CAMTA1: variants seen among roughly 807,000 people sequenced by gnomAD.
CAMTA1 encodes calmodulin binding transcription activator 1.
In CAMTA1, 27 loss-of-function variants were observed where a neutral mutation model predicts 170.9. The observed-to-expected ratio is 0.16, with a 90% CI of 0.12 to 0.22. The LOEUF is 0.22. CAMTA1 is among the 10% of genes least tolerant of loss of function. The pLI, the probability that CAMTA1 is intolerant of heterozygous loss-of-function variation, is 1.00. For missense variants in CAMTA1, 1,619 were observed against 2,217.2 expected, an observed-to-expected ratio of 0.73 and a Z score of 5.42; for synonymous variants, 833 against 891.5, an observed-to-expected ratio of 0.93 and a Z score of 1.17.
chr1:7,669,227 C>T (rs539927588), intron 9 of CAMTA1, among the ~76,000 whole-genome samples: 1 of 152,392 alleles, frequency 6.6e-6, no homozygotes, highest in South Asian at 2.1e-4. Flanking sequence ...AGGCCAGAGC[C>T]AGGCTCATGC....
At chr1:6,817,720 A>G (rs528484620) in intron 1 of CAMTA1, among the ~76,000 whole-genome samples, 1 of 152,294 alleles carries the variant, frequency 6.6e-6, no homozygotes, top group East Asian at 1.9e-4. Context: ...TTTAGGCTCA[A>G]ATTCCTGGCT....
At chr1:7,613,761 G>A (rs1259073973) in intron 6 of CAMTA1, among the ~76,000 whole-genome samples, 5 of 147,870 alleles carry the variant, frequency 3.4e-5, no homozygotes, top group Admixed American at 3.3e-4. Flanking sequence ...AGTAGGGGGA[G>A]CAGGCGGGAC....
intron 5 of CAMTA1, among the ~76,000 whole-genome samples, chr1:7,356,179 C>T (rs946623204): frequency 6.6e-6 from 1 of 152,214 alleles, no homozygotes; most frequent in South Asian, 2.1e-4. Flanking sequence ...CTGGGGTGTT[C>T]TTACACACCT....
chr1:7,358,022 T>C (rs2085255686), intron 5 of CAMTA1, among the ~76,000 whole-genome samples: 1 of 152,224 alleles, frequency 6.6e-6, no homozygotes, highest in East Asian at 1.9e-4. Flanking sequence ...TGGAGGGATC[T>C]GGGGGCTCCT....
chr1:7,500,537 A>C (rs1290503048), intron 6 of CAMTA1, among the ~76,000 whole-genome samples: 1 of 151,908 alleles, frequency 6.6e-6, no homozygotes, highest in Non-Finnish European at 1.5e-5. Flanking sequence ...TACTGCGCCC[A>C]CTCTGTGCAC....
chr1:7,032,157 G>C (rs974459609), intron 3 of CAMTA1, among the ~76,000 whole-genome samples: 4 of 151,982 alleles, frequency 2.6e-5, no homozygotes, highest in African/African-American at 7.3e-5. Flanking sequence ...GTAGAGACAG[G>C]GTTTCACCAT....
chr1:7,282,421 G>A (rs1671652954), intron 5 of CAMTA1, among the ~76,000 whole-genome samples: 1 of 152,172 alleles, frequency 6.6e-6, no homozygotes, highest in South Asian at 2.1e-4. Flanking sequence ...AGATCTGGAA[G>A]AGCAGAATCA....
chr1:6,984,501 C>T (rs1695034645), intron 3 of CAMTA1, among the ~76,000 whole-genome samples: 1 of 152,000 alleles, frequency 6.6e-6, no homozygotes, highest in Non-Finnish European at 1.5e-5. Context: ...GAAATCCCAG[C>T]TAGTCAGGAG....
intron 5 of CAMTA1, among the ~76,000 whole-genome samples, chr1:7,398,202 T>TCC (rs2149183841): frequency 5.5e-5 from 2 of 36,532 alleles, no homozygotes; most frequent in East Asian, 2.1e-3. Flanking sequence ...TCTATATATA[T>TCC]ATATATATAT....
chr1:7,505,430 C>G (rs937608906), intron 6 of CAMTA1, among the ~76,000 whole-genome samples: 3 of 152,198 alleles, frequency 2.0e-5, no homozygotes, highest in African/African-American at 7.2e-5. Context: ...ACAGACAGAG[C>G]GTGCCACCCT....
At chr1:7,493,449 ACACG>A (rs1274780481) in intron 6 of CAMTA1, among the ~76,000 whole-genome samples, 12 of 150,878 alleles carry the variant, frequency 8.0e-5, no homozygotes, top group Non-Finnish European at 1.8e-4. Context: ...ACATACAAAC[ACACG>A]TGCAAACACA....
chr1:7,662,584 G>A (rs918771827), intron 8 of CAMTA1, among the ~76,000 whole-genome samples: 13 of 152,196 alleles, frequency 8.5e-5, no homozygotes, highest in Non-Finnish European at 1.5e-4. Context: ...GAGAAAAGCC[G>A]TCCTGGCTGC....
chr1:7,341,777 A>G (rs2083850817), intron 5 of CAMTA1, among the ~76,000 whole-genome samples: 1 of 152,212 alleles, frequency 6.6e-6, no homozygotes, highest in African/African-American at 2.4e-5. Flanking sequence ...TCTCCACAGA[A>G]CTCAAAATCG....
At chr1:6,909,242 C>T (rs973415885) in intron 3 of CAMTA1, among the ~76,000 whole-genome samples, 1 of 152,206 alleles carries the variant, frequency 6.6e-6, no homozygotes, top group Non-Finnish European at 1.5e-5. Context: ...GATGAAAGGA[C>T]ACACAAAGTC....
intron 15 of CAMTA1, 30 bp from the exon 16 acceptor site, chr1:7,737,929 C>T: frequency 6.4e-7 from 1 of 1,562,092 alleles, no homozygotes; most frequent in South Asian, 1.2e-5. Flanking sequence ...TATCTCCTGT[C>T]CTGACTATCC....
At chr1:7,755,260 G>C (rs1019239120) in intron 21 of CAMTA1, among the ~76,000 whole-genome samples, 2 of 148,590 alleles carry the variant, frequency 1.3e-5, no homozygotes, top group Non-Finnish European at 3.0e-5. Context: ...CTGGGAAGCG[G>C]AGGCTGCAGT....
intron 6 of CAMTA1, among the ~76,000 whole-genome samples, chr1:7,553,988 C>T (rs1252058850): frequency 6.6e-6 from 1 of 152,136 alleles, no homozygotes; most frequent in Non-Finnish European, 1.5e-5. Flanking sequence ...CAGTGGGCCA[C>T]AAAGTGATGG....
rs1699676008 is a variant in CAMTA1 at position 7,010,866 on chromosome 1, T to C, written c.235-80438T>C. 6.6e-6 allele frequency among the ~76,000 whole-genome samples: 1 copy of C among 152,204 alleles called. No individual in the cohort carries two copies. The highest frequency in any genetic ancestry group is 2.4e-5 in the African/African-American group (1 of 41,450). On this transcript the variant is annotated intron_variant, in intron 3 of 22. Coordinates refer to ENST00000303635, the MANE Select transcript of CAMTA1 (RefSeq NM_015215.4). The surrounding 1 kb of genome is among the most constrained non-coding windows in gnomAD (Gnocchi z 4.4). ...TGGAGCAAGCGATGGGAAATGCTCT[T>C]ATCAGGCACCTGGGACCTAAGCAGG...
At chr1:7,127,803 G>A (rs1645020995) in intron 4 of CAMTA1, among the ~76,000 whole-genome samples, 1 of 152,218 alleles carries the variant, frequency 6.6e-6, no homozygotes, top group African/African-American at 2.4e-5. Flanking sequence ...CGCTAACCTA[G>A]CAGGCCTGTT....
Sources: gnomAD v4.1 joint callset for allele counts (sites outside exome capture counted in the v4.1 genomes callset) on GRCh38, gnomAD v4.1.1 for gene constraint, Gnocchi (gnomAD v3.1) non-coding constraint, MANE v1.5 for transcripts, NCBI Gene and HGNC (gene_info 2026-07-23, HGNC 2026-07-21) for gene names.